SKAP1: variants seen among roughly 807,000 people sequenced by gnomAD.
The protein encoded by SKAP1 is src kinase-associated phosphoprotein 1.
In SKAP1, 44 loss-of-function variants were observed where a neutral mutation model predicts 58.5. The observed-to-expected ratio is 0.75, with a 90% confidence interval of 0.59 to 0.97. The LOEUF (loss-of-function observed/expected upper bound fraction) is 0.97. Ranked by LOEUF, SKAP1 falls within the 50% of genes least tolerant of loss-of-function variation. The probability of loss-of-function intolerance (pLI) is 0.00; values close to 1 mark genes in which losing one functional copy is unlikely to be tolerated. For missense variants in SKAP1, 390 were observed against 435.2 expected, an observed-to-expected ratio of 0.90 and a Z score of 0.92; for synonymous variants, 127 against 149.7, an observed-to-expected ratio of 0.85 and a Z score of 1.11.
intron 4 of SKAP1, among the ~76,000 whole-genome samples, chr17:48,198,338 C>T: frequency 6.6e-6 from 1 of 151,178 alleles, no homozygotes; most frequent in African/African-American, 2.4e-5. Flanking sequence ...GCCTGTAGTC[C>T]CAGCTACTCG....
chr17:48,428,902 G>A (rs1048418752), intron 1 of SKAP1, among the ~76,000 whole-genome samples: 1 of 152,068 alleles, frequency 6.6e-6, no homozygotes, highest in Non-Finnish European at 1.5e-5. Flanking sequence ...ACGGATTTTG[G>A]AAACCTCACC....
intron 4 of SKAP1, among the ~76,000 whole-genome samples, chr17:48,239,113 C>A (rs915942343): frequency 3.3e-5 from 5 of 152,160 alleles, no homozygotes; most frequent in Non-Finnish European, 7.3e-5. Context: ...ATCAAATGCA[C>A]CCTTTAAAAA....
At chr17:48,220,852 C>CAAAAAAAAAAAAAAAAAAAAAAA (rs56006389) in intron 4 of SKAP1, among the ~76,000 whole-genome samples, 2 of 83,660 alleles carry the variant, frequency 2.4e-5, no homozygotes, top group African/African-American at 1.1e-4. Context: ...GACTCCATCT[C>CAAAAAAAAAAAAAAAAAAAAAAA]AAAAAAAAAA....
intron 4 of SKAP1, among the ~76,000 whole-genome samples, chr17:48,212,729 C>G (rs1451853357): frequency 1.3e-5 from 2 of 152,216 alleles, no homozygotes; most frequent in Non-Finnish European, 2.9e-5. Flanking sequence ...AAGTAAAGCA[C>G]TGTATCTTTT....
At chr17:48,253,241 T>A (rs929139381) in intron 4 of SKAP1, among the ~76,000 whole-genome samples, 2 of 152,186 alleles carry the variant, frequency 1.3e-5, no homozygotes, top group African/African-American at 4.8e-5. Context: ...CCCTCTAAGA[T>A]TCCAGGGGGA....
rs750132050 is a variant in SKAP1, at chr17:48,137,213, G to A, written c.*7+16C>T. ...CACTCAACTATTAGGCAGTTCATTGGCCATGGTTCTGATACCTGGGTTTCA... is the reference window on the plus strand; with the variant it reads ...CACTCAACTATTAGGCAGTTCATTGACCATGGTTCTGATACCTGGGTTTCA... On this transcript the variant is annotated intron_variant, in intron 12 of 12. Transcript: ENST00000336915. The A allele has an allele frequency of 5.2e-6, 8 of 1,536,696 alleles. No homozygotes were observed. Among genetic ancestry groups the A allele is most frequent in the South Asian group, 1.1e-5 (1 of 89,210 alleles).
chr17:48,370,628 A>G (rs964557231), intron 2 of SKAP1, among the ~76,000 whole-genome samples: 12 of 152,270 alleles, frequency 7.9e-5, no homozygotes, highest in African/African-American at 2.9e-4. Flanking sequence ...TCAAGAAACA[A>G]CAGGTGCTGG....
chr17:48,158,567 C>CAAAAAAA (rs1171183021), intron 11 of SKAP1, among the ~76,000 whole-genome samples: 26,211 of 61,018 alleles, frequency 0.43, 6,695 homozygotes, highest in East Asian at 0.67. Context: ...GACTCTGTCT[C>CAAAAAAA]AAAAAAAAAA....
chr17:48,398,017 CA>C (rs1175460604), intron 1 of SKAP1, among the ~76,000 whole-genome samples: 1 of 152,130 alleles, frequency 6.6e-6, no homozygotes, highest in Non-Finnish European at 1.5e-5. Flanking sequence ...TTTCCACCTC[CA>C]AAAATTGTGC....
intron 4 of SKAP1, among the ~76,000 whole-genome samples, chr17:48,327,546 C>T (rs2066454604): frequency 1.3e-5 from 2 of 152,126 alleles, no homozygotes; most frequent in South Asian, 2.1e-4. Flanking sequence ...CCTTTCTTTT[C>T]CTTATAATTT....
At chr17:48,258,065 G>A (rs905100694) in intron 4 of SKAP1, among the ~76,000 whole-genome samples, 3 of 151,974 alleles carry the variant, frequency 2.0e-5, no homozygotes, top group Admixed American at 1.3e-4. Context: ...ACACACTAGT[G>A]CTTTATCATC....
intron 4 of SKAP1, among the ~76,000 whole-genome samples, chr17:48,290,255 G>A (rs1304294842): frequency 1.3e-5 from 2 of 152,138 alleles, no homozygotes; most frequent in Non-Finnish European, 2.9e-5. Flanking sequence ...AGAATTATTT[G>A]TAACTAAAGA....
At chr17:48,179,449 G>C (rs2064337997) in intron 9 of SKAP1, among the ~76,000 whole-genome samples, 1 of 152,116 alleles carries the variant, frequency 6.6e-6, no homozygotes, top group Non-Finnish European at 1.5e-5. Flanking sequence ...TCATGCCTTT[G>C]GAAGAAAGGA....
intron 11 of SKAP1, among the ~76,000 whole-genome samples, chr17:48,153,921 ATCCT>A (rs2063936923): frequency 6.6e-6 from 1 of 151,846 alleles, no homozygotes; most frequent in Non-Finnish European, 1.5e-5. Context: ...AGAAAAAAAA[ATCCT>A]TCATTTAAGG....
intron 5 of SKAP1, 66 bp from the exon 6 acceptor site, chr17:48,187,992 C>G: frequency 8.6e-7 from 1 of 1,158,962 alleles, no homozygotes; most frequent in East Asian, 2.4e-5. Context: ...TCTGTAAAAT[C>G]CAACAACATA....
intron 11 of SKAP1, chr17:48,156,576 G>A: frequency 2.4e-6 from 1 of 417,322 alleles, no homozygotes; most frequent in Non-Finnish European, 5.1e-6. Context: ...AGGAACACAG[G>A]AACATCCGCT....
intron 4 of SKAP1, among the ~76,000 whole-genome samples, chr17:48,292,942 A>G (rs759093174): frequency 6.1e-4 from 93 of 152,218 alleles, no homozygotes; most frequent in Non-Finnish European, 1.1e-3. Context: ...TTGGTCTAGA[A>G]CAATCTCTTG....
intron 2 of SKAP1, among the ~76,000 whole-genome samples, chr17:48,365,189 C>T (rs553708639): frequency 1.3e-5 from 2 of 152,184 alleles, no homozygotes; most frequent in South Asian, 4.1e-4. Context: ...CTTAAGCAAT[C>T]CTCCCACTTT....
At chr17:48,364,978 G>C (rs2066984044) in intron 2 of SKAP1, among the ~76,000 whole-genome samples, 1 of 151,896 alleles carries the variant, frequency 6.6e-6, no homozygotes, top group South Asian at 2.1e-4. Context: ...TGACCTGCTG[G>C]GCTCAAGGGA....
Sources: gnomAD v4.1 joint callset for allele counts (sites outside exome capture counted in the v4.1 genomes callset) on GRCh38, gnomAD v4.1.1 for gene constraint, MANE v1.5 for transcripts, NCBI Gene and HGNC (gene_info 2026-07-23, HGNC 2026-07-21) for gene names.